The following CLMN variants were observed in gnomAD, a reference collection of about 807,000 sequenced individuals.
CLMN encodes the protein calmin (calponin-like, transmembrane).
Under a neutral mutation model 92.7 loss-of-function variants are expected in CLMN, and 57 were observed. The observed-to-expected ratio is 0.61, with a 90% CI of 0.50 to 0.77. The LOEUF (loss-of-function observed/expected upper bound fraction) is 0.77, where lower values mean the gene tolerates loss of function less well. CLMN is among the 30% of genes least tolerant of loss of function. The pLI is 0.00. For synonymous variants in CLMN, 466 were observed against 470.6 expected (o/e 0.99, Z 0.13); for missense variants, 1,158 against 1,237.5 (o/e 0.94, Z 0.96).
chr14:95,252,790 G>C (rs1898840750), intron 1 of CLMN, among the ~76,000 whole-genome samples: 1 of 152,180 alleles, frequency 6.6e-6, no homozygotes, highest in Non-Finnish European at 1.5e-5. Context: ...AGTCTCCCCA[G>C]TTGGCAATAT....
intron 1 of CLMN, among the ~76,000 whole-genome samples, chr14:95,293,137 T>G: frequency 1.6e-5 from 1 of 63,768 alleles, no homozygotes; most frequent in South Asian, 5.9e-4. Context: ...CCCTCCCTCC[T>G]TCCCTCCCTT....
intron 1 of CLMN, among the ~76,000 whole-genome samples, chr14:95,268,598 T>C (rs1049119852): frequency 6.6e-6 from 1 of 152,062 alleles, no homozygotes; most frequent in Non-Finnish European, 1.5e-5. Context: ...CACACAAATC[T>C]ACATAGGTGC....
chr14:95,203,203 G>C lies in CLMN; in HGVS notation c.2146C>G (p.Leu716Val). Residue 716 changes from leucine to valine, a missense_variant, in exon 9 of 13, where the codon CTC becomes GTC. Physicochemically the swap from Leu to Val is conservative, Grantham distance 32 (BLOSUM62 1). Transcript: ENST00000298912. ...TGGGGAATGACGGAAACCTTTGAGA[G>C]GGGTGGGGAGGGCTTGAAATCCAGG... is the stretch of plus-strand genomic sequence containing the variant. ...EGLDFKPSPP[L>V]SKVSVIPHDL... 1 of 1,613,552 alleles carries C rather than the reference G, an allele frequency of 6.2e-7. No individual in the cohort carries two copies. The highest frequency in any genetic ancestry group is 1.1e-5 in the South Asian group (1 of 91,074).
chr14:95,267,011 T>C (rs978773178), intron 1 of CLMN, among the ~76,000 whole-genome samples: 9 of 152,180 alleles, frequency 5.9e-5, no homozygotes. Flanking sequence ...CTCCTATTTC[T>C]GAGCATACAA....
At chr14:95,317,164 T>C (rs1266223946) in intron 1 of CLMN, among the ~76,000 whole-genome samples, 1 of 152,218 alleles carries the variant, frequency 6.6e-6, no homozygotes, top group East Asian at 1.9e-4. Flanking sequence ...TTATGGCAGA[T>C]GCTCTAACTA....
At chr14:95,286,394 T>C (rs1900343702) in intron 1 of CLMN, among the ~76,000 whole-genome samples, 2 of 152,206 alleles carry the variant, frequency 1.3e-5, no homozygotes, top group Admixed American at 1.3e-4. Context: ...TTACATATTA[T>C]CTGCTTCCAT....
intron 1 of CLMN, among the ~76,000 whole-genome samples, chr14:95,279,761 C>T (rs181754035): frequency 3.3e-5 from 5 of 152,276 alleles, no homozygotes; most frequent in Non-Finnish European, 4.4e-5. Flanking sequence ...CCAGCCTGGG[C>T]GACAGAGCGA....
intron 2 of CLMN, among the ~76,000 whole-genome samples, chr14:95,228,112 G>A (rs1380457890): frequency 2.6e-5 from 4 of 151,968 alleles, no homozygotes; most frequent in South Asian, 4.2e-4. Flanking sequence ...GAGTGGGTGC[G>A]GGTATATTCA....
At chr14:95,270,444 C>T (rs1595080481) in intron 1 of CLMN, among the ~76,000 whole-genome samples, 3 of 152,324 alleles carry the variant, frequency 2.0e-5, no homozygotes, top group Admixed American at 2.0e-4. Context: ...ATTCTCCATT[C>T]TCCACCTTCC....
intron 1 of CLMN, among the ~76,000 whole-genome samples, chr14:95,301,703 A>T (rs7140215): frequency 6.6e-6 from 1 of 152,060 alleles, no homozygotes; most frequent in Non-Finnish European, 1.5e-5. Context: ...CCAACCTACT[A>T]GGTCACCTGG....
chr14:95,303,064 A>C (rs2140782409), intron 1 of CLMN, among the ~76,000 whole-genome samples: 1 of 152,336 alleles, frequency 6.6e-6, no homozygotes, highest in South Asian at 2.1e-4. Context: ...CCATGCAAAA[A>C]TGTAGAAGAT....
intron 6 of CLMN, among the ~76,000 whole-genome samples, chr14:95,211,562 GA>G (rs1462204285): frequency 2.0e-5 from 3 of 151,368 alleles, no homozygotes; most frequent in East Asian, 3.9e-4. Flanking sequence ...AAGGACAAAA[GA>G]GGAGAGAATC....
At chr14:95,314,679 T>C (rs878990943) in intron 1 of CLMN, among the ~76,000 whole-genome samples, 1 of 152,168 alleles carries the variant, frequency 6.6e-6, no homozygotes, top group Admixed American at 6.5e-5. Flanking sequence ...AGCCGCACAA[T>C]GCTCCACCTG....
intron 1 of CLMN, among the ~76,000 whole-genome samples, chr14:95,287,680 C>G (rs1156979524): frequency 6.6e-6 from 1 of 152,230 alleles, no homozygotes; most frequent in East Asian, 1.9e-4. Context: ...AGAATGACAG[C>G]TTCAATGGTT....
intron 1 of CLMN, among the ~76,000 whole-genome samples, chr14:95,246,109 C>T (rs1898561488): frequency 6.6e-6 from 1 of 152,198 alleles, no homozygotes; most frequent in African/African-American, 2.4e-5. Flanking sequence ...CTGACTGATT[C>T]CTAGCAATAG....
At chr14:95,307,125 G>T (rs1901318824) in intron 1 of CLMN, among the ~76,000 whole-genome samples, 1 of 152,180 alleles carries the variant, frequency 6.6e-6, no homozygotes, top group African/African-American at 2.4e-5. Flanking sequence ...GCAACCAGGA[G>T]AAGTTGGGGT....
Position 95,198,873 on chromosome 14 carries a change from G to A in CLMN, c.2512-2179C>T, listed in dbSNP as rs1172744993. Among the ~76,000 whole-genome samples the A allele has an allele frequency of 2.0e-5, 3 of 152,190 alleles. No individual in the cohort carries two copies. The East Asian group carries it at 5.8e-4, about 29-fold the overall frequency. ...CATCCAATAGGCCAGGAGGGAGGAT[G>A]CAAACCACTAATTCATCATTTTATT... On this transcript the variant is annotated intron_variant, in intron 9 of 12. Transcript: ENST00000298912.
In CLMN at chr14:95,277,942, A is replaced by G. The variant is rs768669523; in HGVS notation, c.82+41769T>C. On this transcript the variant is annotated intron_variant, in intron 1 of 12. Transcript: ENST00000298912. ...GTGCCAGGCCAGGCTTTGTCTATTC[A>G]TGATGGCAGCCTGGGTTCATTCTCA... Among the ~76,000 whole-genome samples the G allele has an allele frequency of 2.6e-5, 4 of 152,318 alleles. No individual in the cohort carries two copies. The South Asian group carries it at 8.3e-4, about 32-fold the overall frequency.
intron 1 of CLMN, among the ~76,000 whole-genome samples, chr14:95,290,378 G>C (rs1360225594): frequency 6.6e-6 from 1 of 152,262 alleles, no homozygotes; most frequent in Admixed American, 6.5e-5. Flanking sequence ...TCTTGAGATG[G>C]AGAAGTTTTC....
Sources: allele counts gnomAD v4.1 joint callset (sites outside exome capture counted in the v4.1 genomes callset), GRCh38; gene constraint gnomAD v4.1.1; transcripts MANE v1.5; gene names NCBI Gene and HGNC (gene_info 2026-07-23, HGNC 2026-07-21).